The following EPS15L1 variants were observed in gnomAD, a reference collection of about 807,000 sequenced individuals.
EPS15L1 encodes epidermal growth factor receptor substrate 15-like 1.
Under a neutral mutation model 117.1 loss-of-function variants are expected in EPS15L1, and 43 were observed. The ratio of observed to expected loss-of-function variants is 0.37; its 90% CI spans 0.29 to 0.47. The LOEUF is 0.47. EPS15L1 is among the 20% of genes least tolerant of loss of function. The pLI, the probability that EPS15L1 is intolerant of heterozygous loss-of-function variation, is 0.99. For synonymous variants in EPS15L1, 459 were observed against 470.5 expected (o/e 0.98, Z 0.32); for missense variants, 981 against 1,164.0 (o/e 0.84, Z 2.29).
chr19:16,413,680 C>T (rs2092729121), intron 13 of EPS15L1, 93 bp downstream of exon 13: 1 of 1,067,008 alleles, frequency 9.4e-7, no homozygotes, highest in East Asian at 2.4e-5. Context: ...CAGGGCAGAC[C>T]CCTGCCCTTC....
intron 8 of EPS15L1, among the ~76,000 whole-genome samples, chr19:16,426,608 C>T (rs963703625): frequency 6.6e-6 from 1 of 152,058 alleles, no homozygotes; most frequent in South Asian, 2.1e-4. Flanking sequence ...CACTGCACAC[C>T]AGCCTAGATG....
chr19:16,355,808 C>T lies in EPS15L1; in HGVS notation c.2630G>A (p.Ser877Asn). 1 of 1,536,158 alleles carries T rather than the reference C, an allele frequency of 6.5e-7. No homozygotes were observed. Among genetic ancestry groups the T allele is most frequent in the Non-Finnish European group, 8.7e-7 (1 of 1,146,872 alleles). The change falls in exon 24 of 24, where the codon AGC becomes AAC. Residue 877 changes from serine to asparagine, a missense_variant. Transcript: ENST00000455140. ...EQQLAWAKRE[S>N]EKAEQERLAR... ...CAGCCTCTCCTGTTCCGCCTTCTCG[C>T]TCTCCCGCTTGGCCCACGCCAGCTG...
intron 23 of EPS15L1, among the ~76,000 whole-genome samples, chr19:16,360,664 T>C (rs2092038939): frequency 6.6e-6 from 1 of 152,146 alleles, no homozygotes; most frequent in Non-Finnish European, 1.5e-5. Context: ...GGAGGATCGC[T>C]TGAGCCCAGG....
intron 19 of EPS15L1, among the ~76,000 whole-genome samples, chr19:16,389,855 A>G (rs1254473668): frequency 6.6e-6 from 1 of 152,218 alleles, no homozygotes; most frequent in African/African-American, 2.4e-5. Flanking sequence ...GCTGTACATG[A>G]TATTTCCTAA....
chr19:16,467,169 C>T (rs551317669), intron 1 of EPS15L1, among the ~76,000 whole-genome samples: 173 of 148,662 alleles, frequency 1.2e-3, no homozygotes, highest in Admixed American at 3.5e-3. Context: ...TTTTTTGAGA[C>T]GTAGTGTCAC....
intron 1 of EPS15L1, among the ~76,000 whole-genome samples, chr19:16,451,417 C>T (rs1275699437): frequency 1.3e-5 from 2 of 151,942 alleles, no homozygotes; most frequent in East Asian, 1.9e-4. Context: ...ATACCAAAGG[C>T]GTTATTATTA....
intron 21 of EPS15L1, among the ~76,000 whole-genome samples, chr19:16,384,625 G>A (rs1029080145): frequency 1.3e-5 from 2 of 152,108 alleles, no homozygotes; most frequent in East Asian, 1.9e-4. Context: ...AACCAGCCTC[G>A]CTGCTGTCCT....
At position 16,417,748 on chromosome 19, in the gene EPS15L1, G is replaced by C. The variant is rs1206015761; in HGVS notation, c.1108-111C>G. ...TAAAATTGTCCCTTTAGTACACAGG[G>C]TGAGGTAGCAAAAGTGTCAGCCCCC... On this transcript the variant is annotated intron_variant, in intron 11 of 23. Coordinates refer to ENST00000455140, the MANE Select transcript of EPS15L1 (RefSeq NM_001258374.3). 7 of 1,154,200 alleles carry C rather than the reference G, an allele frequency of 6.1e-6. No homozygotes were observed. The African/African-American group carries it at 1.1e-4, about 18-fold the overall frequency. 71.5% of individuals were successfully genotyped at this position (1,154,200 alleles called of 1,614,324 possible).
At chr19:16,450,188 A>T (rs184480432) in intron 1 of EPS15L1, among the ~76,000 whole-genome samples, 23 of 152,214 alleles carry the variant, frequency 1.5e-4, no homozygotes, top group Admixed American at 1.4e-3. Context: ...TCAAGGCTGC[A>T]GTGAGCTATG....
At chr19:16,403,511 T>C (rs748720061) in intron 15 of EPS15L1, among the ~76,000 whole-genome samples, 3 of 152,146 alleles carry the variant, frequency 2.0e-5, no homozygotes, top group Admixed American at 6.6e-5. Flanking sequence ...TGCTGTGTGC[T>C]CAGGAAAGGA....
At chr19:16,469,550 C>T (rs903402922) in intron 1 of EPS15L1, among the ~76,000 whole-genome samples, 1 of 152,058 alleles carries the variant, frequency 6.6e-6, no homozygotes, top group African/African-American at 2.4e-5. Flanking sequence ...CCTAAAGAGG[C>T]AGAGGTGCAG....
In EPS15L1 at chr19:16,440,851, T is replaced by C. The variant is rs762788070; in HGVS notation, c.213+11A>G. Reference sequence around the variant, plus strand: ...AGCCCCTCCATTTGCTCTGTGTACATGTGTATATACCTGTTTGTCCAAGAA... The same window carrying C: ...AGCCCCTCCATTTGCTCTGTGTACACGTGTATATACCTGTTTGTCCAAGAA... On this transcript the variant is annotated intron_variant, in intron 4 of 23. Transcript: ENST00000455140. 11 of 1,613,800 alleles carry C rather than the reference T, an allele frequency of 6.8e-6. No individual in the cohort carries two copies. The highest frequency in any genetic ancestry group is 6.7e-5 in the East Asian group (3 of 44,882).
chr19:16,420,621 G>C (rs1348523930), intron 10 of EPS15L1, among the ~76,000 whole-genome samples: 2 of 152,214 alleles, frequency 1.3e-5, no homozygotes, highest in East Asian at 3.9e-4. Context: ...GCTCTACTTG[G>C]AGGTATTTGC....
At chr19:16,442,592 G>A (rs183633492) in intron 1 of EPS15L1, among the ~76,000 whole-genome samples, 182 of 152,220 alleles carry the variant, frequency 1.2e-3, no homozygotes, top group Non-Finnish European at 2.0e-3. Flanking sequence ...CTCTGGCTCC[G>A]GAATCAGAAA....
Position 16,377,119 on chromosome 19 carries a change from G to T in EPS15L1, c.2380+3C>A. The T allele has an allele frequency of 6.3e-7, 1 of 1,590,502 alleles. No homozygotes were observed. The highest frequency in any genetic ancestry group is 1.1e-5 in the South Asian group (1 of 87,928). ...TGGCTGCGAGAGAAGAAAGCTTACT[G>T]ACCGCTGGGCGGTTTAGGCCGTGGA... is the stretch of plus-strand genomic sequence containing the variant. On this transcript the variant is annotated splice_donor_region_variant and intron_variant, in intron 22 of 23. Coordinates refer to ENST00000455140, the MANE Select transcript of EPS15L1 (RefSeq NM_001258374.3).
In EPS15L1 at chr19:16,365,323, T is replaced by C. The variant is rs1007694473; in HGVS notation, c.2381-3339A>G. ...CTTAGAATATAACCATACTTGAAGA[T>C]AGCATATTTAAAGGGGTAACTGAGT... is the stretch of plus-strand genomic sequence containing the variant. On this transcript the variant is annotated intron_variant, in intron 22 of 23. Transcript: ENST00000455140. The surrounding 1 kb of genome is among the most constrained non-coding windows in gnomAD (Gnocchi z 4.9). 6.6e-6 allele frequency among the ~76,000 whole-genome samples: 1 copy of C among 152,156 alleles called. No homozygotes were observed. Among genetic ancestry groups the C allele is most frequent in the Non-Finnish European group, 1.5e-5 (1 of 68,038 alleles).
At chr19:16,391,933 C>A (rs1599567372) in intron 19 of EPS15L1, among the ~76,000 whole-genome samples, 2 of 151,814 alleles carry the variant, frequency 1.3e-5, no homozygotes, top group South Asian at 4.2e-4. Context: ...GCATGTGGTG[C>A]TTGTGTGATT....
At chr19:16,420,002 T>C (rs2092798937) in intron 10 of EPS15L1, among the ~76,000 whole-genome samples, 1 of 152,238 alleles carries the variant, frequency 6.6e-6, no homozygotes, top group Non-Finnish European at 1.5e-5. Flanking sequence ...CACCACATCC[T>C]GCTCTGCTGA....
At chr19:16,412,207 C>G (rs1253805138) in intron 13 of EPS15L1, among the ~76,000 whole-genome samples, 1 of 151,892 alleles carries the variant, frequency 6.6e-6, no homozygotes, top group Non-Finnish European at 1.5e-5. Flanking sequence ...GAGAAGCCAC[C>G]GTCTATGGTT....
Sources: gnomAD v4.1 joint callset for allele counts (sites outside exome capture counted in the v4.1 genomes callset) on GRCh38, gnomAD v4.1.1 for gene constraint, Gnocchi (gnomAD v3.1) non-coding constraint, MANE v1.5 for transcripts, NCBI Gene and HGNC (gene_info 2026-07-23, HGNC 2026-07-21) for gene names.